CERT1: variants seen among roughly 807,000 people sequenced by gnomAD.
CERT1 encodes the protein ceramide transporter 1.
A neutral mutation model predicts 87.9 loss-of-function variants in CERT1; 31 were observed. The observed-to-expected ratio is 0.35, with a 90% CI of 0.27 to 0.48. The LOEUF is 0.48. CERT1 is among the 20% of genes least tolerant of loss of function. The probability of loss-of-function intolerance (pLI) is 0.99; values close to 1 mark genes in which losing one functional copy is unlikely to be tolerated. For synonymous variants in CERT1, 289 were observed against 250.9 expected, an observed-to-expected ratio of 1.15 and a Z score of -1.44; for missense variants, 487 against 758.0, an observed-to-expected ratio of 0.64 and a Z score of 4.20.
chr5:75,387,411 C>A (rs767886066), intron 12 of CERT1, among the ~76,000 whole-genome samples: 2 of 152,064 alleles, frequency 1.3e-5, no homozygotes. Context: ...TCTGCTTGTT[C>A]TCCAGTTTCT....
At chr5:75,495,975 G>A (rs1455152945) in intron 2 of CERT1, among the ~76,000 whole-genome samples, 1 of 151,698 alleles carries the variant, frequency 6.6e-6, no homozygotes, top group Admixed American at 6.5e-5. Flanking sequence ...TTAGAGCAAA[G>A]TCATCAAAAT....
chr5:75,464,165 G>A (rs1355163131), intron 2 of CERT1, among the ~76,000 whole-genome samples: 2 of 152,066 alleles, frequency 1.3e-5, no homozygotes, highest in Admixed American at 6.5e-5. Flanking sequence ...AATCTACCAG[G>A]GAAAAGAAGA....
At chr5:75,443,599 A>C (rs1473819628) in intron 3 of CERT1, among the ~76,000 whole-genome samples, 1 of 152,228 alleles carries the variant, frequency 6.6e-6, no homozygotes, top group Non-Finnish European at 1.5e-5. Context: ...TACATGATCT[A>C]ACCTAGAAAA....
chr5:75,455,938 T>C (rs1298981204), intron 3 of CERT1, among the ~76,000 whole-genome samples: 4 of 152,202 alleles, frequency 2.6e-5, no homozygotes, highest in Admixed American at 1.3e-4. Flanking sequence ...ATAAAACACA[T>C]AAAGCACTTA....
At chr5:75,495,378 C>G (rs1264094730) in intron 2 of CERT1, among the ~76,000 whole-genome samples, 2 of 152,018 alleles carry the variant, frequency 1.3e-5, no homozygotes, top group African/African-American at 4.8e-5. Context: ...GCAACATGGT[C>G]AAACCCCATC....
At chr5:75,468,457 C>T (rs76519808) in intron 2 of CERT1, among the ~76,000 whole-genome samples, 2,219 of 152,208 alleles carry the variant, frequency 0.015, 60 homozygotes, top group African/African-American at 0.052. Flanking sequence ...CAGTGCCAGG[C>T]AGACCCCTCA....
At chr5:75,448,719 T>G (rs568785579) in intron 3 of CERT1, among the ~76,000 whole-genome samples, 2 of 152,322 alleles carry the variant, frequency 1.3e-5, no homozygotes, top group Non-Finnish European at 2.9e-5. Context: ...TCCCAGTGAC[T>G]GTCAGAAATC....
intron 2 of CERT1, among the ~76,000 whole-genome samples, chr5:75,495,639 G>C (rs1334566619): frequency 6.6e-6 from 1 of 152,000 alleles, no homozygotes; most frequent in Non-Finnish European, 1.5e-5. Context: ...AGCTTCCCTG[G>C]TGAATGCACT....
intron 5 of CERT1, 99 bp from the exon 6 acceptor site, chr5:75,419,523 T>A: frequency 3.7e-6 from 3 of 801,010 alleles, no homozygotes; most frequent in Non-Finnish European, 6.2e-6. Context: ...ATTCTGATTC[T>A]GAGTATGAAG....
chr5:75,472,568 A>C (rs1032168359), intron 2 of CERT1, among the ~76,000 whole-genome samples: 3 of 152,220 alleles, frequency 2.0e-5, no homozygotes. Context: ...ACTCAACTCA[A>C]TAACAAGAAA....
chr5:75,393,626 A>C (rs1384699348), intron 11 of CERT1, among the ~76,000 whole-genome samples: 4 of 143,070 alleles, frequency 2.8e-5, no homozygotes, highest in East Asian at 4.2e-4. Flanking sequence ...AAAAAAAAGA[A>C]AGTCTAGAAG....
intron 2 of CERT1, among the ~76,000 whole-genome samples, chr5:75,495,934 G>T (rs1343137280): frequency 6.8e-6 from 1 of 147,838 alleles, no homozygotes; most frequent in Non-Finnish European, 1.5e-5. Flanking sequence ...AAAATTAGCT[G>T]AAAAAAAAAT....
chr5:75,369,836 C>G (rs1248016149), intron 17 of CERT1: 1 of 152,202 alleles, frequency 6.6e-6, no homozygotes, highest in Non-Finnish European at 1.5e-5. Context: ...AATAAAGTAG[C>G]TTCACTTATG....
At chr5:75,496,155 A>G (rs1390154168) in intron 2 of CERT1, among the ~76,000 whole-genome samples, 1 of 152,080 alleles carries the variant, frequency 6.6e-6, no homozygotes, top group East Asian at 1.9e-4. Context: ...CAAACACAAG[A>G]TATTTAAACA....
At chr5:75,500,579 A>T (rs1767308294) in intron 2 of CERT1, among the ~76,000 whole-genome samples, 1 of 152,208 alleles carries the variant, frequency 6.6e-6, no homozygotes, top group Non-Finnish European at 1.5e-5. Flanking sequence ...TAGCAGATCG[A>T]AGAGTCTCAT....
intron 2 of CERT1, among the ~76,000 whole-genome samples, chr5:75,499,067 GC>G (rs974133643): frequency 2.5e-4 from 38 of 152,208 alleles, no homozygotes; most frequent in African/African-American, 8.7e-4. Flanking sequence ...TTGGCTGCCT[GC>G]CAATTTCTCC....
At chr5:75,447,989 T>A (rs554467880) in intron 3 of CERT1, among the ~76,000 whole-genome samples, 1 of 152,298 alleles carries the variant, frequency 6.6e-6, no homozygotes, top group East Asian at 1.9e-4. Flanking sequence ...AAAACCATGG[T>A]TGAGGAGTCA....
intron 17 of CERT1, chr5:75,371,555 C>G (rs1761085473): frequency 6.6e-6 from 1 of 152,178 alleles, no homozygotes; most frequent in Admixed American, 6.5e-5. Flanking sequence ...AGATATAACC[C>G]TCCTTTGGTT....
At chr5:75,413,387 T>C (rs775920792) in intron 7 of CERT1, among the ~76,000 whole-genome samples, 5 of 152,202 alleles carry the variant, frequency 3.3e-5, no homozygotes, top group Non-Finnish European at 7.4e-5. Flanking sequence ...ATGGGTTCAT[T>C]AGACCCAAAG....
Sources: allele counts gnomAD v4.1 joint callset (sites outside exome capture counted in the v4.1 genomes callset), GRCh38; gene constraint gnomAD v4.1.1; transcripts MANE v1.5; gene names NCBI Gene and HGNC (gene_info 2026-07-23, HGNC 2026-07-21).